The following SFRP4 variants were observed in gnomAD, a reference collection of about 807,000 sequenced individuals.
SFRP4 encodes secreted frizzled related protein 4, also known as secreted frizzled-related protein 4.
A neutral mutation model predicts 36.3 loss-of-function variants in SFRP4; 25 were observed. The observed-to-expected ratio is 0.69, with a 90% confidence interval of 0.50 to 0.96. The LOEUF (loss-of-function observed/expected upper bound fraction) is 0.96, where lower values mean the gene tolerates loss of function less well. Ranked by LOEUF, SFRP4 falls within the 40% of genes least tolerant of loss-of-function variation. The pLI, the probability that SFRP4 is intolerant of heterozygous loss-of-function variation, is 0.00. For missense variants in SFRP4, 487 were observed against 459.6 expected (o/e 1.06, Z -0.54); for synonymous variants, 182 against 168.8 (o/e 1.08, Z -0.60).
chr7:37,907,415 C>T lies in SFRP4; in HGVS notation c.*64G>A. The T allele has an allele frequency of 1.4e-6, 2 of 1,450,342 alleles. No individual in the cohort carries two copies. Among genetic ancestry groups the T allele is most frequent in the Non-Finnish European group, 1.9e-6 (2 of 1,053,880 alleles). 89.8% of individuals were successfully genotyped at this position (1,450,342 alleles called of 1,614,324 possible). A position where few individuals can be genotyped will look rare whatever the true frequency, so the allele number is the denominator to read the frequency against. On this transcript the variant is annotated 3_prime_UTR_variant, in exon 6 of 6. Transcript: ENST00000436072. ...GGCACATGGCCTTACATAGGCTGTC[C>T]CAGGCAATGCCCAGCCTCATCCTGT...
At position 37,914,153 on chromosome 7, in the gene SFRP4, A is replaced by G. The variant is rs188689519; in HGVS notation, c.592+60T>C. ...AGCTTTAGTGAGAGCGACCTTATTG[A>G]GATTCCAGCTTTGTAATGAACCAAG... On this transcript the variant is annotated intron_variant, in intron 3 of 5. Transcript: ENST00000436072. 3.7e-4 allele frequency: 484 copies of G among 1,307,816 alleles called. 3 individuals are homozygous for G. The Middle Eastern group carries it at 5.0e-3, about 13-fold the overall frequency. 81.0% of individuals were successfully genotyped at this position (1,307,816 alleles called of 1,614,324 possible).
At chr7:37,915,373 T>A (rs897360425) in intron 1 of SFRP4, among the ~76,000 whole-genome samples, 1 of 152,238 alleles carries the variant, frequency 6.6e-6, no homozygotes, top group African/African-American at 2.4e-5. Context: ...AATATCATAG[T>A]CTGTTTAAAT....
At position 37,916,532 on chromosome 7, in the gene SFRP4, G is replaced by A. The variant is rs776906304; in HGVS notation, c.6C>T (p.Phe2=). Residue 2 remains phenylalanine (F), a synonymous_variant, in exon 1 of 6, where the codon TTC becomes TTT. Coordinates refer to ENST00000436072, the MANE Select transcript of SFRP4 (RefSeq NM_003014.4). This position sits in a 1 kb window ranked among gnomAD's most constrained non-coding sequence, Gnocchi z 4.1. M[F]LSILVALCLW... ...GGCACAGCGCCACTAGGATGGAGAG[G>A]AACATGGCACTGCCCTCTCGCGCTG... is the stretch of plus-strand genomic sequence containing the variant. The A allele has an allele frequency of 1.2e-6, 2 of 1,606,844 alleles. No individual in the cohort carries two copies. The highest frequency in any genetic ancestry group is 2.2e-5 in the South Asian group (2 of 90,986).
At chr7:37,911,947 A>G (rs188162946) in intron 4 of SFRP4, among the ~76,000 whole-genome samples, 172 bp downstream of exon 4, 2 of 99,818 alleles carry the variant, frequency 2.0e-5, no homozygotes, top group Admixed American at 1.0e-4. Flanking sequence ...CCTTCATTCT[A>G]TGAAGAATTA....
rs767924210 is a variant in SFRP4, at chr7:37,912,103, G to A, written c.791+16C>T. ...TAACAGTGTGCATACAGTTCCTTCT[G>A]CCTCTTTGTGCCTACCTTGAGCGCC... On this transcript the variant is annotated intron_variant, in intron 4 of 5. Coordinates refer to ENST00000436072, the MANE Select transcript of SFRP4 (RefSeq NM_003014.4). The A allele has an allele frequency of 6.2e-7, 1 of 1,600,366 alleles. No homozygotes were observed. The highest frequency in any genetic ancestry group is 1.1e-5 in the South Asian group (1 of 90,762).
At position 37,914,315 on chromosome 7, in the gene SFRP4, A is replaced by G. The variant is rs79904551; in HGVS notation, c.527-37T>C. 374 of 1,612,672 alleles carry G rather than the reference A, an allele frequency of 2.3e-4. No individual in the cohort carries two copies. In the African/African-American group the frequency reaches 4.6e-3, roughly 20 times the overall value. ...AGAAGAGGCAGAAAGTTGGAAAAAG[A>G]ACAGAAATCACTCTGGAGAGGAGAA... On this transcript the variant is annotated intron_variant, in intron 2 of 5. Coordinates refer to ENST00000436072, the MANE Select transcript of SFRP4 (RefSeq NM_003014.4).
At position 37,907,103 on chromosome 7, in the gene SFRP4, A is replaced by G. The variant is rs1785407448; in HGVS notation, c.*376T>C. ...CAAAAGGTAATAAAACATACTGTAA[A>G]AAAATTACGTGTTTTGTTTGAAATA... On this transcript the variant is annotated 3_prime_UTR_variant, in exon 6 of 6. Coordinates refer to ENST00000436072, the MANE Select transcript of SFRP4 (RefSeq NM_003014.4). 1.3e-5 allele frequency: 2 copies of G among 159,992 alleles called. No individual in the cohort carries two copies. Among genetic ancestry groups the G allele is most frequent in the African/African-American group, 2.4e-5 (1 of 41,846 alleles). 9.9% of individuals were successfully genotyped at this position (159,992 alleles called of 1,614,324 possible).
chr7:37,916,063 C>T lies in SFRP4; in HGVS notation c.445+30G>A, dbSNP rs937509726. 6.3e-7 allele frequency: 1 copy of T among 1,587,772 alleles called. No individual in the cohort carries two copies. The highest frequency in any genetic ancestry group is 8.6e-7 in the Non-Finnish European group (1 of 1,163,868). ...GCAGCCACAGCCCCGGGCGCCTCCT[C>T]GCCTCCCTCCATCCTTCCTACGGCC... On this transcript the variant is annotated intron_variant, in intron 1 of 5. Coordinates refer to ENST00000436072, the MANE Select transcript of SFRP4 (RefSeq NM_003014.4). This position sits in a 1 kb window ranked among gnomAD's most constrained non-coding sequence, Gnocchi z 4.1.
chr7:37,908,867 T>G (rs142724891), intron 5 of SFRP4, among the ~76,000 whole-genome samples: 1 of 152,326 alleles, frequency 6.6e-6, no homozygotes, highest in East Asian at 1.9e-4. Flanking sequence ...ATAACTCAAT[T>G]GTTAATATGT....
At chr7:37,912,005 T>A (rs776753597) in intron 4 of SFRP4, 114 bp downstream of exon 4, 31 of 742,646 alleles carry the variant, frequency 4.2e-5, no homozygotes, top group Non-Finnish European at 6.6e-5. Flanking sequence ...TTAAACTAAT[T>A]TTTTTAAAAA....
chr7:37,910,872 G>A (rs1440848723), intron 4 of SFRP4, among the ~76,000 whole-genome samples: 3 of 152,046 alleles, frequency 2.0e-5, no homozygotes, highest in Non-Finnish European at 2.9e-5. Context: ...TGCATCACAT[G>A]GTTTTAACAA....
Position 37,916,767 on chromosome 7 carries a change from G to C in SFRP4, c.-230C>G, listed in dbSNP as rs868824332. The C allele has an allele frequency of 1.6e-6, 1 of 640,114 alleles. No individual in the cohort carries two copies. The highest frequency in any genetic ancestry group is 2.7e-6 in the Non-Finnish European group (1 of 376,606). The allele number at this position is 640,114 out of a possible 1,614,324, so 39.7% of individuals were successfully genotyped here. A position where few individuals can be genotyped will look rare whatever the true frequency, so the allele number is the denominator to read the frequency against. ...CGCCAGCTCTCAGCCTTCGGGGCGC[G>C]AACCCGCCCGGGCAGCTCCAGTCCC... is the stretch of plus-strand genomic sequence containing the variant. On this transcript the variant is annotated 5_prime_UTR_variant, in exon 1 of 6. Coordinates refer to ENST00000436072, the MANE Select transcript of SFRP4 (RefSeq NM_003014.4). This position sits in a 1 kb window ranked among gnomAD's most constrained non-coding sequence, Gnocchi z 4.1.
chr7:37,916,546 C>A lies in SFRP4; in HGVS notation c.-9G>T, dbSNP rs761667995. On this transcript the variant is annotated 5_prime_UTR_variant, in exon 1 of 6. Coordinates refer to ENST00000436072, the MANE Select transcript of SFRP4 (RefSeq NM_003014.4). This position sits in a 1 kb window ranked among gnomAD's most constrained non-coding sequence, Gnocchi z 4.1. ...AGGATGGAGAGGAACATGGCACTGC[C>A]CTCTCGCGCTGCGACCCCGGCAGAC... 3.8e-6 allele frequency: 6 copies of A among 1,597,836 alleles called. No homozygotes were observed. Among genetic ancestry groups the A allele is most frequent in the Non-Finnish European group, 5.1e-6 (6 of 1,173,640 alleles).
Position 37,916,154 on chromosome 7 carries a change from C to T in SFRP4, c.384G>A (p.Leu128=). Residue 128 remains leucine, a synonymous_variant, in exon 1 of 6, where the codon CTG becomes CTA. Transcript: ENST00000436072. The surrounding 1 kb of genome is among the most constrained non-coding windows in gnomAD (Gnocchi z 4.1). ...SWPESLACDE[L]PVYDRGVCIS... is the part of the protein sequence containing the mutation. ...TGCACACGCCACGGTCATAGACAGG[C>T]AGCTCGTCGCAGGCCAGGCTTTCGG... The T allele has an allele frequency of 6.2e-7, 1 of 1,614,098 alleles. No homozygotes were observed. Among genetic ancestry groups the T allele is most frequent in the Non-Finnish European group, 8.5e-7 (1 of 1,180,036 alleles).
At chr7:37,908,305 C>G (rs145726612) in intron 5 of SFRP4, among the ~76,000 whole-genome samples, 1 of 152,206 alleles carries the variant, frequency 6.6e-6, no homozygotes, top group African/African-American at 2.4e-5. Context: ...AAGTAAGGAA[C>G]AATAAAAAAG....
intron 4 of SFRP4, among the ~76,000 whole-genome samples, chr7:37,910,102 T>G (rs1183447820): frequency 1.3e-5 from 2 of 152,022 alleles, no homozygotes; most frequent in Admixed American, 1.3e-4. Flanking sequence ...TGGCTTATTA[T>G]TTTCTTAGGA....
At chr7:37,909,573 T>C in intron 5 of SFRP4, 44 bp downstream of exon 5, 1 of 1,119,726 alleles carries the variant, frequency 8.9e-7, no homozygotes, top group Non-Finnish European at 1.3e-6. Context: ...AAATCTGTTA[T>C]GTGCACTTAC....
intron 4 of SFRP4, among the ~76,000 whole-genome samples, chr7:37,911,254 A>G (rs1053128521): frequency 6.6e-6 from 1 of 152,254 alleles, no homozygotes; most frequent in Non-Finnish European, 1.5e-5. Context: ...CTGATAGAAT[A>G]CAGAAAAGTG....
Position 37,916,637 on chromosome 7 carries a change from C to T in SFRP4, c.-100G>A. 6.8e-7 allele frequency: 1 copy of T among 1,469,708 alleles called. No homozygotes were observed. The highest frequency in any genetic ancestry group is 1.3e-5 in the South Asian group (1 of 76,770). The allele number at this position is 1,469,708 out of a possible 1,614,324, so 91.0% of individuals were successfully genotyped here. A position where few individuals can be genotyped will look rare whatever the true frequency, so the allele number is the denominator to read the frequency against. ...GTCCCTTCGCCGAGGAAGAAATCCT[C>T]TGGGGCGCAGGAGAGTTTCTTCCCC... is the stretch of plus-strand genomic sequence containing the variant. On this transcript the variant is annotated 5_prime_UTR_variant, in exon 1 of 6. Coordinates refer to ENST00000436072, the MANE Select transcript of SFRP4 (RefSeq NM_003014.4). The surrounding 1 kb of genome is among the most constrained non-coding windows in gnomAD (Gnocchi z 4.1).
Sources: allele counts gnomAD v4.1 joint callset (sites outside exome capture counted in the v4.1 genomes callset), GRCh38; gene constraint gnomAD v4.1.1; non-coding constraint Gnocchi (gnomAD v3.1); transcripts MANE v1.5; gene names NCBI Gene and HGNC (gene_info 2026-07-23, HGNC 2026-07-21).